The following ZNF383 variants were observed in gnomAD, a reference collection of about 807,000 sequenced individuals.
ZNF383 encodes zinc finger protein 383.
Under a neutral mutation model 44.2 loss-of-function variants are expected in ZNF383, and 32 were observed. The ratio of observed to expected loss-of-function variants is 0.72; its 90% CI spans 0.55 to 0.97. The LOEUF is 0.97. Ranked by LOEUF, ZNF383 falls within the 50% of genes least tolerant of loss-of-function variation. The probability of loss-of-function intolerance (pLI) is 0.00; values close to 1 mark genes in which losing one functional copy is unlikely to be tolerated. For missense variants in ZNF383, 487 were observed against 562.5 expected (o/e 0.87, Z 1.36); for synonymous variants, 155 against 186.2 (o/e 0.83, Z 1.36).
intron 1 of ZNF383, among the ~76,000 whole-genome samples, chr19:37,223,523 C>T (rs1193999907): frequency 1.3e-5 from 2 of 151,798 alleles, no homozygotes; most frequent in East Asian, 3.9e-4. Context: ...TATAGCAAGA[C>T]CCCATTTCTA....
At position 37,229,614 on chromosome 19, in the gene ZNF383, A is replaced by ATATG. The variant is rs1555782475; in HGVS notation, c.-45-794_-45-793insATGT. ...GCTGGGATTACAAGCATATATATAT[A>ATATG]TGTGTGTGTGTGTGTGTGTATATAT... On this transcript the variant is annotated intron_variant, in intron 2 of 5. Coordinates refer to ENST00000684119, the MANE Select transcript of ZNF383 (RefSeq NM_001387601.1). Among the ~76,000 whole-genome samples, 1,159 of 128,802 alleles carry ATATG rather than the reference A, an allele frequency of 9.0e-3. 19 individuals are homozygous for ATATG. The highest frequency in any genetic ancestry group is 0.031 in the African/African-American group (1,017 of 33,314). The allele number at this position is 128,802 out of a possible 152,430, so 84.5% of individuals were successfully genotyped here.
intron 3 of ZNF383, among the ~76,000 whole-genome samples, chr19:37,232,682 C>T (rs1030994389): frequency 1.3e-5 from 2 of 152,148 alleles, no homozygotes; most frequent in East Asian, 3.9e-4. Context: ...TAAAACTTTC[C>T]CTCATCAATT....
Position 37,242,477 on chromosome 19 carries a change from T to C in ZNF383, c.241T>C (p.Ser81Pro). The change falls in exon 6 of 6, where the codon TCG (serine) becomes CCG (proline). Residue 81 changes from serine (S) to proline (P), a missense_variant. Physicochemically the swap from Ser to Pro is moderately conservative, Grantham distance 74 (BLOSUM62 -1). Coordinates refer to ENST00000684119, the MANE Select transcript of ZNF383 (RefSeq NM_001387601.1). ...LTRGLCSDLESMCETKLLSLK... is the reference protein window; with the variant it reads ...LTRGLCSDLEPMCETKLLSLK... ...ATTTTATTTTCTTTCAGATCTGGAA[T>C]CGATGTGTGAAACCAAGTTATTATC... 6.4e-7 allele frequency: 1 copy of C among 1,572,808 alleles called. No homozygotes were observed. The highest frequency in any genetic ancestry group is 8.7e-7 in the Non-Finnish European group (1 of 1,153,730).
intron 1 of ZNF383, among the ~76,000 whole-genome samples, chr19:37,222,745 T>A (rs543654394): frequency 1.3e-5 from 2 of 152,210 alleles, no homozygotes; most frequent in South Asian, 4.1e-4. Context: ...GAGGCTGTTA[T>A]GAAAAACGCT....
At chr19:37,242,293 T>C (rs1039852592) in intron 5 of ZNF383, among the ~76,000 whole-genome samples, 176 bp from the exon 6 acceptor site, 5 of 152,006 alleles carry the variant, frequency 3.3e-5, no homozygotes, top group Non-Finnish European at 7.4e-5. Context: ...CTGCATTATC[T>C]TACTAATTTC....
intron 5 of ZNF383, among the ~76,000 whole-genome samples, chr19:37,238,314 A>G (rs1973920257): frequency 6.9e-6 from 1 of 144,396 alleles, no homozygotes; most frequent in Non-Finnish European, 1.5e-5. Flanking sequence ...ATATTTTTAG[A>G]ATTATATATC....
intron 2 of ZNF383, among the ~76,000 whole-genome samples, chr19:37,226,107 C>A (rs895572803): frequency 2.0e-5 from 3 of 152,088 alleles, no homozygotes; most frequent in African/African-American, 7.2e-5. Flanking sequence ...TTGCTTGAAT[C>A]CCTGACTTAG....
At chr19:37,228,941 A>G (rs563200930) in intron 2 of ZNF383, among the ~76,000 whole-genome samples, 37 of 152,186 alleles carry the variant, frequency 2.4e-4, no homozygotes, top group African/African-American at 8.7e-4. Context: ...ATGGACTTAG[A>G]GCATTTCATA....
At chr19:37,236,132 A>G (rs1973778736) in intron 5 of ZNF383, 58 bp downstream of exon 5, 3 of 1,408,054 alleles carry the variant, frequency 2.1e-6, no homozygotes, top group Non-Finnish European at 3.0e-6. Flanking sequence ...TCAGCTGGTC[A>G]GGGAGGAAAC....
rs759612609 is a variant in ZNF383 at position 37,242,759 on chromosome 19, T to C, written c.523T>C (p.Cys175Arg). 2 of 1,614,144 alleles carry C rather than the reference T, an allele frequency of 1.2e-6. No individual in the cohort carries two copies. Among genetic ancestry groups the C allele is most frequent in the South Asian group, 2.2e-5 (2 of 91,086 alleles). Reference sequence around the variant, plus strand: ...AGACAGACCCTATGAATGTAAGAAATGTGGAAAGGCCTTTAGTCAGAACTC... The same window carrying C: ...AGACAGACCCTATGAATGTAAGAAACGTGGAAAGGCCTTTAGTCAGAACTC... ...NEDRPYECKK[C>R]GKAFSQNSQF... The change falls in exon 6 of 6, where the codon TGT becomes CGT. Residue 175 changes from cysteine (C) to arginine (R), a missense_variant. Physicochemically the swap from Cys to Arg is radical, Grantham distance 180. Transcript: ENST00000684119.
intron 2 of ZNF383, among the ~76,000 whole-genome samples, chr19:37,225,957 C>CTT (rs35639012): frequency 3.5e-4 from 49 of 138,090 alleles, no homozygotes; most frequent in South Asian, 7.0e-4. Flanking sequence ...GTCTAACTAA[C>CTT]TTTTTTTTTT....
chr19:37,220,626 T>C (rs1395166185), intron 1 of ZNF383, among the ~76,000 whole-genome samples: 1 of 151,646 alleles, frequency 6.6e-6, no homozygotes, highest in Non-Finnish European at 1.5e-5. Context: ...AAAATATAGA[T>C]GTATAGTTTA....
chr19:37,243,871 C>T lies in ZNF383; in HGVS notation c.*207C>T. ...GATGCCAGCTGTTCTATAATTCTTTCATTCATTGTTTTGTTCTACTTTCTT... is the reference window on the plus strand; with the variant it reads ...GATGCCAGCTGTTCTATAATTCTTTTATTCATTGTTTTGTTCTACTTTCTT... On this transcript the variant is annotated 3_prime_UTR_variant, in exon 6 of 6. Transcript: ENST00000684119. 2.3e-6 allele frequency: 1 copy of T among 437,794 alleles called. No individual in the cohort carries two copies. The highest frequency in any genetic ancestry group is 4.0e-6 in the Non-Finnish European group (1 of 249,828). 27.1% of individuals were successfully genotyped at this position (437,794 alleles called of 1,614,324 possible). A position where few individuals can be genotyped will look rare whatever the true frequency, so the allele number is the denominator to read the frequency against.
chr19:37,240,987 A>G (rs986974118), intron 5 of ZNF383, among the ~76,000 whole-genome samples: 1 of 151,998 alleles, frequency 6.6e-6, no homozygotes, highest in African/African-American at 2.4e-5. Context: ...TTGTATTTTT[A>G]GTAGAGACAG....
chr19:37,228,246 G>A (rs1261366421), intron 2 of ZNF383, among the ~76,000 whole-genome samples: 1 of 152,190 alleles, frequency 6.6e-6, no homozygotes, highest in Non-Finnish European at 1.5e-5. Flanking sequence ...GGGCATAACA[G>A]AGGGCTCGCA....
At chr19:37,221,532 C>G (rs527990505) in intron 1 of ZNF383, among the ~76,000 whole-genome samples, 1 of 152,036 alleles carries the variant, frequency 6.6e-6, no homozygotes, top group Non-Finnish European at 1.5e-5. Context: ...CAGTGAGCTG[C>G]GATTGCACCA....
In ZNF383 at chr19:37,240,942, G is replaced by A. The variant is rs546213517; in HGVS notation, c.233-1527G>A. ...CTGCCTCAGCCTCCGGAGTAGCTGG[G>A]ATTACAGGCACGTGCCACCATGCCT... On this transcript the variant is annotated intron_variant, in intron 5 of 5. Coordinates refer to ENST00000684119, the MANE Select transcript of ZNF383 (RefSeq NM_001387601.1). 2.6e-5 allele frequency among the ~76,000 whole-genome samples: 4 copies of A among 152,250 alleles called. No homozygotes were observed. In the South Asian group the frequency reaches 8.3e-4, roughly 32 times the overall value.
At chr19:37,221,368 G>C (rs185977239) in intron 1 of ZNF383, among the ~76,000 whole-genome samples, 10 of 152,040 alleles carry the variant, frequency 6.6e-5, no homozygotes, top group African/African-American at 2.4e-4. Context: ...GATTGCTTGA[G>C]CCCAGGAGTT....
rs1264744411 is a variant in ZNF383 at position 37,247,357 on chromosome 19, A to G, written c.*3693A>G. Reference sequence around the variant, plus strand: ...GAAATAAGGATGACAAATAAACAATATTGTATATGAGAAATTGAAATGGCT... The same window carrying G: ...GAAATAAGGATGACAAATAAACAATGTTGTATATGAGAAATTGAAATGGCT... On this transcript the variant is annotated 3_prime_UTR_variant, in exon 6 of 6. Transcript: ENST00000684119. 2 of 152,222 alleles carry G rather than the reference A, an allele frequency of 1.3e-5. No individual in the cohort carries two copies. Among genetic ancestry groups the G allele is most frequent in the South Asian group, 4.1e-4 (2 of 4,836 alleles). 9.4% of individuals were successfully genotyped at this position (152,222 alleles called of 1,614,324 possible).
Sources: allele counts gnomAD v4.1 joint callset (sites outside exome capture counted in the v4.1 genomes callset), GRCh38; gene constraint gnomAD v4.1.1; transcripts MANE v1.5; gene names NCBI Gene and HGNC (gene_info 2026-07-23, HGNC 2026-07-21).